The following XRCC2 variants were observed in gnomAD, a reference collection of about 807,000 sequenced individuals.
XRCC2 encodes the protein DNA repair protein XRCC2.
Under a neutral mutation model 27.3 loss-of-function variants are expected in XRCC2, and 24 were observed. The ratio of observed to expected loss-of-function variants is 0.88; its 90% CI spans 0.64 to 1.24. The LOEUF (loss-of-function observed/expected upper bound fraction) is 1.24, where lower values mean the gene tolerates loss of function less well. XRCC2 is among the 50% of genes most tolerant of loss of function. The probability of loss-of-function intolerance (pLI) is 0.00; values close to 1 mark genes in which losing one functional copy is unlikely to be tolerated. For missense variants in XRCC2, 321 were observed against 325.8 expected, an observed-to-expected ratio of 0.99 and a Z score of 0.11; for synonymous variants, 106 against 115.4, an observed-to-expected ratio of 0.92 and a Z score of 0.52.
At chr7:152,668,620 T>C (rs548656774) in intron 1 of XRCC2, among the ~76,000 whole-genome samples, 2 of 152,320 alleles carry the variant, frequency 1.3e-5, no homozygotes, top group Non-Finnish European at 2.9e-5. Context: ...GCATCAGAGC[T>C]TGGTGATGAT....
chr7:152,646,327 T>TGTGTGTGTGTGTGTGTGTGTGTGTGTGG lies in XRCC2; in HGVS notation c.*2314_*2315insCCACACACACACACACACACACACACAC, dbSNP rs1359879673. ...GTGTGTGTGTGTGTGTGTGTGTGTGTTGTTCCCTTCTTTGTATCCAGGAGT... is the reference window on the plus strand; with the variant it reads ...GTGTGTGTGTGTGTGTGTGTGTGTGTGTGTGTGTGTGTGTGTGTGTGTGTGTGGTGTTCCCTTCTTTGTATCCAGGAGT... On this transcript the variant is annotated 3_prime_UTR_variant, in exon 3 of 3. Transcript: ENST00000359321. The TGTGTGTGTGTGTGTGTGTGTGTGTGTGG allele has an allele frequency of 6.8e-6, 1 of 146,862 alleles. No homozygotes were observed. Among genetic ancestry groups the TGTGTGTGTGTGTGTGTGTGTGTGTGTGG allele is most frequent in the Non-Finnish European group, 1.5e-5 (1 of 66,292 alleles). The allele number at this position is 146,862 out of a possible 1,614,324, so 9.1% of individuals were successfully genotyped here.
chr7:152,657,965 T>TTTTTGTTTTC (rs1563029242), intron 2 of XRCC2, among the ~76,000 whole-genome samples: 1 of 149,902 alleles, frequency 6.7e-6, no homozygotes, highest in East Asian at 1.9e-4. Context: ...TCTTTGTTTT[T>TTTTTGTTTTC]TTTTTTCTTT....
rs1012260016 is a variant in XRCC2 at position 152,644,920 on chromosome 7, C to T, written c.*3722G>A. On this transcript the variant is annotated 3_prime_UTR_variant, in exon 3 of 3. Coordinates refer to ENST00000359321, the MANE Select transcript of XRCC2 (RefSeq NM_005431.2). Reference sequence around the variant, plus strand: ...CTCAACAGTTAGCCGAAGATTCATTCGATGAGTCCGATTTTTCTGAAAGAG... The same window carrying T: ...CTCAACAGTTAGCCGAAGATTCATTTGATGAGTCCGATTTTTCTGAAAGAG... The T allele has an allele frequency of 6.6e-6, 1 of 152,178 alleles. No individual in the cohort carries two copies. The highest frequency in any genetic ancestry group is 1.9e-4 in the East Asian group (1 of 5,192). 9.4% of individuals were successfully genotyped at this position (152,178 alleles called of 1,614,324 possible).
At chr7:152,670,605 CT>C (rs112650028) in intron 1 of XRCC2, among the ~76,000 whole-genome samples, 13,571 of 146,434 alleles carry the variant, frequency 0.093, 694 homozygotes, top group African/African-American at 0.14. Context: ...ATTATATAGG[CT>C]TTTTTTTTTT....
intron 2 of XRCC2, among the ~76,000 whole-genome samples, chr7:152,658,597 C>A (rs1248534192): frequency 6.6e-6 from 1 of 152,272 alleles, no homozygotes; most frequent in Non-Finnish European, 1.5e-5. Flanking sequence ...CTTCCCCCGC[C>A]TCCCCAGCTC....
intron 2 of XRCC2, among the ~76,000 whole-genome samples, chr7:152,656,339 T>G (rs185163133): frequency 6.6e-6 from 1 of 151,916 alleles, no homozygotes; most frequent in Non-Finnish European, 1.5e-5. Flanking sequence ...GCCTGGCCAA[T>G]ATGGTGAAAC....
intron 1 of XRCC2, among the ~76,000 whole-genome samples, chr7:152,662,564 C>CT (rs1563030899): frequency 1.1e-4 from 13 of 116,802 alleles, no homozygotes; most frequent in African/African-American, 4.0e-4. Flanking sequence ...CTTTTATTTG[C>CT]ATTTTTTTTT....
At chr7:152,671,719 C>T (rs116686296) in intron 1 of XRCC2, among the ~76,000 whole-genome samples, 7,697 of 152,020 alleles carry the variant, frequency 0.051, 663 homozygotes, top group African/African-American at 0.17. Flanking sequence ...ATAGTTAGAC[C>T]GGGTGCCCAT....
chr7:152,668,070 C>T (rs1458054834), intron 1 of XRCC2, among the ~76,000 whole-genome samples: 2 of 150,700 alleles, frequency 1.3e-5, no homozygotes, highest in Non-Finnish European at 3.0e-5. Flanking sequence ...GCAGAAAATA[C>T]ACTGGTCCCC....
At chr7:152,652,371 A>G (rs1340908187) in intron 2 of XRCC2, among the ~76,000 whole-genome samples, 1 of 151,950 alleles carries the variant, frequency 6.6e-6, no homozygotes, top group Non-Finnish European at 1.5e-5. Context: ...GCCCTATGTG[A>G]TAGAGAACAA....
rs1304012378 is a variant in XRCC2 at position 152,647,348 on chromosome 7, GCTGT to G, written c.*1290_*1293del. ...GCAACAATTTTCTCCCATTCTGTAAGCTGTCTGTTTACTCTCTTGATAGTTTCTT... is the reference window on the plus strand; with the variant it reads ...GCAACAATTTTCTCCCATTCTGTAAGCTGTTTACTCTCTTGATAGTTTCTT... On this transcript the variant is annotated 3_prime_UTR_variant, in exon 3 of 3. Transcript: ENST00000359321. The G allele has an allele frequency of 6.0e-5, 9 of 149,716 alleles. No individual in the cohort carries two copies. Among genetic ancestry groups the G allele is most frequent in the Non-Finnish European group, 8.8e-5 (6 of 68,008 alleles). 9.3% of individuals were successfully genotyped at this position (149,716 alleles called of 1,614,324 possible). A position where few individuals can be genotyped will look rare whatever the true frequency, so the allele number is the denominator to read the frequency against.
chr7:152,674,531 G>C lies in XRCC2; in HGVS notation c.39+1510C>G, dbSNP rs186960005. ...GGAGGCTGAGGCAGGACAATCGCTTGAACCCGGGAGGCGGAAGTTGCAGTG... is the reference window on the plus strand; with the variant it reads ...GGAGGCTGAGGCAGGACAATCGCTTCAACCCGGGAGGCGGAAGTTGCAGTG... On this transcript the variant is annotated intron_variant, in intron 1 of 2. Transcript: ENST00000359321. Among the ~76,000 whole-genome samples the C allele has an allele frequency of 1.5e-4, 22 of 151,540 alleles. No homozygotes were observed. The East Asian group carries it at 1.9e-3, about 13-fold the overall frequency.
At chr7:152,657,667 A>G (rs1460077377) in intron 2 of XRCC2, among the ~76,000 whole-genome samples, 2 of 152,240 alleles carry the variant, frequency 1.3e-5, no homozygotes, top group African/African-American at 4.8e-5. Context: ...CATACAATGT[A>G]TAAAGATGTA....
At chr7:152,658,547 T>C (rs2098031730) in intron 2 of XRCC2, among the ~76,000 whole-genome samples, 1 of 152,266 alleles carries the variant, frequency 6.6e-6, no homozygotes, top group Admixed American at 6.5e-5. Context: ...CTTTTCCATC[T>C]TGCAAAACTC....
chr7:152,669,871 A>G (rs1289262942), intron 1 of XRCC2, among the ~76,000 whole-genome samples: 4 of 151,882 alleles, frequency 2.6e-5, no homozygotes, highest in Non-Finnish European at 5.9e-5. Context: ...GCCGAGGTGA[A>G]AGGATGCTTG....
intron 1 of XRCC2, among the ~76,000 whole-genome samples, chr7:152,672,551 T>C (rs2098038587): frequency 6.6e-6 from 1 of 152,190 alleles, no homozygotes; most frequent in African/African-American, 2.4e-5. Context: ...TTAAATGACT[T>C]ATCCAAAATC....
chr7:152,650,093 A>G (rs148151706), intron 2 of XRCC2, among the ~76,000 whole-genome samples: 111 of 152,348 alleles, frequency 7.3e-4, no homozygotes, highest in African/African-American at 2.5e-3. Context: ...TTGGACTTCT[A>G]TGACACGCAG....
intron 1 of XRCC2, among the ~76,000 whole-genome samples, chr7:152,669,917 C>G (rs376783960): frequency 2.7e-5 from 4 of 148,610 alleles, no homozygotes. Context: ...CCTATTTAAA[C>G]TAAACAGTCA....
chr7:152,675,599 T>C (rs1187656913), intron 1 of XRCC2, among the ~76,000 whole-genome samples: 2 of 152,072 alleles, frequency 1.3e-5, no homozygotes, highest in Non-Finnish European at 2.9e-5. Context: ...TGAGGCAACC[T>C]CCGCAAACAC....
Sources: allele counts gnomAD v4.1 joint callset (sites outside exome capture counted in the v4.1 genomes callset), GRCh38; gene constraint gnomAD v4.1.1; transcripts MANE v1.5; gene names NCBI Gene and HGNC (gene_info 2026-07-23, HGNC 2026-07-21).